The following XKR6 variants were observed in gnomAD, a reference collection of about 807,000 sequenced individuals.
XKR6 encodes XK related 6.
A neutral mutation model predicts 56.7 loss-of-function variants in XKR6; 22 were observed. The observed-to-expected ratio is 0.39, with a 90% CI of 0.28 to 0.55. XKR6 has a LOEUF of 0.55. XKR6 is among the 20% of genes least tolerant of loss of function. The probability of loss-of-function intolerance (pLI) is 0.66; values close to 1 mark genes in which losing one functional copy is unlikely to be tolerated. For missense variants in XKR6, 852 were observed against 889.0 expected, an observed-to-expected ratio of 0.96 and a Z score of 0.53; for synonymous variants, 524 against 387.8, an observed-to-expected ratio of 1.35 and a Z score of -4.13.
chr8:11,128,141 GGACAATCT>G (rs1190199181), intron 1 of XKR6, among the ~76,000 whole-genome samples: 2 of 152,288 alleles, frequency 1.3e-5, no homozygotes, highest in East Asian at 3.9e-4. Context: ...AATACGTAAA[GGACAATCT>G]GAATGTTTGG....
chr8:11,163,246 A>T (rs1377402473), intron 1 of XKR6, among the ~76,000 whole-genome samples: 1 of 152,244 alleles, frequency 6.6e-6, no homozygotes, highest in Non-Finnish European at 1.5e-5. Context: ...ACATGAGCAG[A>T]TTTTAAACAT....
chr8:11,110,115 G>A (rs972931256), intron 1 of XKR6, among the ~76,000 whole-genome samples: 1 of 152,078 alleles, frequency 6.6e-6, no homozygotes, highest in Non-Finnish European at 1.5e-5. Context: ...TGGGATTACA[G>A]GTGCCCGCCA....
At chr8:11,051,060 C>T (rs941851732) in intron 1 of XKR6, among the ~76,000 whole-genome samples, 3 of 152,130 alleles carry the variant, frequency 2.0e-5, no homozygotes, top group Non-Finnish European at 4.4e-5. Flanking sequence ...CTCATTCTTG[C>T]CAAAAAGTCA....
intron 1 of XKR6, among the ~76,000 whole-genome samples, chr8:10,968,518 T>A (rs1485369761): frequency 6.6e-6 from 1 of 152,178 alleles, no homozygotes; most frequent in Non-Finnish European, 1.5e-5. Context: ...TCATTCTGGA[T>A]TGCAGTGACC....
intron 1 of XKR6, among the ~76,000 whole-genome samples, chr8:10,931,290 G>A (rs181917177): frequency 1.2e-3 from 184 of 152,264 alleles, no homozygotes; most frequent in South Asian, 3.1e-3. Flanking sequence ...AAACCTAAAT[G>A]ATACAGAGAC....
chr8:11,067,330 T>A (rs1306844051), intron 1 of XKR6, among the ~76,000 whole-genome samples: 1 of 152,152 alleles, frequency 6.6e-6, no homozygotes, highest in Non-Finnish European at 1.5e-5. Context: ...CCCGGACACC[T>A]GGAGCAGCCA....
intron 1 of XKR6, among the ~76,000 whole-genome samples, chr8:10,937,820 C>A (rs1424294309): frequency 6.6e-6 from 1 of 151,862 alleles, no homozygotes; most frequent in Non-Finnish European, 1.5e-5. Context: ...CAGACAGGGA[C>A]ATTTAAGTCT....
chr8:10,905,477 A>G (rs1050258758), intron 2 of XKR6, among the ~76,000 whole-genome samples: 2 of 152,218 alleles, frequency 1.3e-5, no homozygotes, highest in Admixed American at 6.5e-5. Flanking sequence ...AGACCGAAAC[A>G]GCAGTGAAGA....
At chr8:11,031,430 C>T (rs899362531) in intron 1 of XKR6, among the ~76,000 whole-genome samples, 2 of 152,184 alleles carry the variant, frequency 1.3e-5, no homozygotes, top group Non-Finnish European at 2.9e-5. Flanking sequence ...GAGTAAGGCA[C>T]TGGAGGTGCA....
chr8:11,077,776 T>C (rs1278271800), intron 1 of XKR6, among the ~76,000 whole-genome samples: 1 of 152,114 alleles, frequency 6.6e-6, no homozygotes, highest in East Asian at 1.9e-4. Flanking sequence ...CAGTTTCTGG[T>C]CCCCATGGCA....
chr8:10,959,809 G>A (rs529313989), intron 1 of XKR6, among the ~76,000 whole-genome samples: 5 of 152,172 alleles, frequency 3.3e-5, no homozygotes, highest in Admixed American at 1.3e-4. Flanking sequence ...ACCACCTTGC[G>A]CCCTTTCCTC....
At chr8:11,067,089 G>C (rs1415524768) in intron 1 of XKR6, 1 of 152,298 alleles carries the variant, frequency 6.6e-6, no homozygotes. Context: ...GCTTCATCTT[G>C]CCTGTAAGCT....
chr8:11,183,190 CCTT>C (rs1420101553), intron 1 of XKR6, among the ~76,000 whole-genome samples: 6 of 152,152 alleles, frequency 3.9e-5, no homozygotes, highest in East Asian at 1.9e-4. Flanking sequence ...ACAAATATCT[CCTT>C]GAGACCCTCC....
intron 1 of XKR6, among the ~76,000 whole-genome samples, chr8:11,052,468 C>T (rs976944616): frequency 3.3e-5 from 5 of 152,148 alleles, no homozygotes; most frequent in Admixed American, 2.6e-4. Flanking sequence ...TCTCCCGGAC[C>T]GACACTGGCT....
At chr8:11,153,296 T>C (rs1801351688) in intron 1 of XKR6, among the ~76,000 whole-genome samples, 1 of 152,194 alleles carries the variant, frequency 6.6e-6, no homozygotes, top group Admixed American at 6.5e-5. Context: ...CTAAGGACTC[T>C]GTTAGAAGTG....
At chr8:11,034,376 G>T (rs997411962) in intron 1 of XKR6, among the ~76,000 whole-genome samples, 3 of 152,216 alleles carry the variant, frequency 2.0e-5, no homozygotes, top group Admixed American at 6.5e-5. Flanking sequence ...AGCATCATGG[G>T]TAAAGGTACA....
chr8:10,901,246 G>A (rs900821819), intron 2 of XKR6, among the ~76,000 whole-genome samples: 2 of 151,998 alleles, frequency 1.3e-5, no homozygotes, highest in Admixed American at 1.3e-4. Flanking sequence ...AGTAGAGACA[G>A]GATTTCACCA....
chr8:11,185,003 G>C (rs1403164502), intron 1 of XKR6, among the ~76,000 whole-genome samples: 1 of 152,152 alleles, frequency 6.6e-6, no homozygotes, highest in Non-Finnish European at 1.5e-5. Flanking sequence ...CCGGGCCACT[G>C]TCTGGTGGTT....
chr8:11,027,486 G>A (rs546363285), intron 1 of XKR6, among the ~76,000 whole-genome samples: 24 of 152,136 alleles, frequency 1.6e-4, no homozygotes, highest in South Asian at 2.1e-4. Context: ...ATTCATATTC[G>A]TTTCGTCATT....
Sources: gnomAD v4.1 joint callset for allele counts (sites outside exome capture counted in the v4.1 genomes callset) on GRCh38, gnomAD v4.1.1 for gene constraint, MANE v1.5 for transcripts, NCBI Gene and HGNC (gene_info 2026-07-23, HGNC 2026-07-21) for gene names.